FGD4: variants seen among roughly 807,000 people sequenced by gnomAD.
FGD4 encodes FYVE, RhoGEF and PH domain-containing protein 4.
In FGD4, 42 loss-of-function variants were observed where a neutral mutation model predicts 102.0. The ratio of observed to expected loss-of-function variants is 0.41; its 90% CI spans 0.32 to 0.53. The LOEUF (loss-of-function observed/expected upper bound fraction) is 0.53, where lower values mean the gene tolerates loss of function less well. Among genes scored for constraint, FGD4 ranks in the 20% least tolerant of loss-of-function variants. The pLI is 0.21. For synonymous variants in FGD4, 380 were observed against 375.7 expected (o/e 1.01, Z -0.13); for missense variants, 902 against 1,078.2 (o/e 0.84, Z 2.29).
At chr12:32,498,666 C>T (rs1189239242) in intron 1 of FGD4, among the ~76,000 whole-genome samples, 1 of 152,012 alleles carries the variant, frequency 6.6e-6, no homozygotes, top group East Asian at 1.9e-4. Context: ...TGCAGTGATG[C>T]GATCTTGGCT....
In FGD4 at chr12:32,561,074, TG is replaced by T. The variant is rs368076653; in HGVS notation, c.167-3062del. ...GAAATGTGGTTTCTTTGTTGGGTTT[TG>T]TTTTTTTTTTTTTTTTTTTTTTTTT... On this transcript the variant is annotated intron_variant, in intron 1 of 16. Transcript: ENST00000534526. Among the ~76,000 whole-genome samples the T allele has an allele frequency of 6.4e-3, 601 of 93,422 alleles. 50 individuals carry two copies. The highest frequency in any genetic ancestry group is 0.011 in the African/African-American group (265 of 23,114). The allele number at this position is 93,422 out of a possible 152,430, so 61.3% of individuals were successfully genotyped here.
chr12:32,628,250 GGTAGA>G (rs1950292397), intron 14 of FGD4, among the ~76,000 whole-genome samples: 1 of 152,088 alleles, frequency 6.6e-6, no homozygotes, highest in African/African-American at 2.4e-5. Context: ...AGGGGAGATG[GGTAGA>G]GCCAGATGAT....
At chr12:32,625,269 CTT>C (rs374139685) in intron 13 of FGD4, among the ~76,000 whole-genome samples, 235 of 119,864 alleles carry the variant, frequency 2.0e-3, no homozygotes, top group African/African-American at 6.7e-3. Context: ...TTTTCTTATT[CTT>C]TTTTTTTTTT....
chr12:32,561,070 G>GTT lies in FGD4; in HGVS notation c.167-3064_167-3063dup, dbSNP rs1267043755. ...AGCAGAAATGTGGTTTCTTTGTTGG[G>GTT]TTTTGTTTTTTTTTTTTTTTTTTTT... On this transcript the variant is annotated intron_variant, in intron 1 of 16. Coordinates refer to ENST00000534526, the MANE Select transcript of FGD4 (RefSeq NM_001370298.3). Among the ~76,000 whole-genome samples, 134 of 90,794 alleles carry GTT rather than the reference G, an allele frequency of 1.5e-3. 18 individuals carry two copies. The highest frequency in any genetic ancestry group is 4.7e-3 in the African/African-American group (114 of 24,024). 59.6% of individuals were successfully genotyped at this position (90,794 alleles called of 152,430 possible).
At chr12:32,473,217 A>G (rs1288435135) in intron 1 of FGD4, among the ~76,000 whole-genome samples, 1 of 152,084 alleles carries the variant, frequency 6.6e-6, no homozygotes, top group Non-Finnish European at 1.5e-5. Context: ...AGAGAATAAA[A>G]GCAGGCTGCC....
rs1418968805 is a variant in FGD4 at position 32,559,468 on chromosome 12, TTC to T, written c.167-4665_167-4664del. On this transcript the variant is annotated intron_variant, in intron 1 of 16. Coordinates refer to ENST00000534526, the MANE Select transcript of FGD4 (RefSeq NM_001370298.3). ...AAACAAATGTTTAAAAATGTAAATG[TTC>T]TCTGTGTCCTTCACCATGTTTTCAT... 3.9e-5 allele frequency among the ~76,000 whole-genome samples: 6 copies of T among 152,356 alleles called. No homozygotes were observed. In the East Asian group the frequency reaches 1.2e-3, roughly 29 times the overall value.
chr12:32,474,774 G>T (rs1032421420), intron 1 of FGD4, among the ~76,000 whole-genome samples: 7 of 152,062 alleles, frequency 4.6e-5, no homozygotes, highest in Non-Finnish European at 1.0e-4. Context: ...GCATGGTGTC[G>T]TGTGCCTGTA....
At chr12:32,527,436 CT>C (rs58360232) in intron 1 of FGD4, among the ~76,000 whole-genome samples, 55,872 of 149,196 alleles carry the variant, frequency 0.37, 10,878 homozygotes, top group Middle Eastern at 0.6. Flanking sequence ...CCTGGCCAGA[CT>C]TTTTTTTTTT....
At position 32,430,036 on chromosome 12, in the gene FGD4, G is replaced by A. The variant is rs142403466; in HGVS notation, c.166+30077G>A. 7.6e-4 allele frequency among the ~76,000 whole-genome samples: 116 copies of A among 152,172 alleles called. 1 individual carries two copies. Among genetic ancestry groups the A allele is most frequent in the African/African-American group, 2.5e-3 (105 of 41,538 alleles). On this transcript the variant is annotated intron_variant, in intron 1 of 16. Coordinates refer to ENST00000534526, the MANE Select transcript of FGD4 (RefSeq NM_001370298.3). The stretch of plus-strand genomic sequence containing the variant: ...TTAGAAAAGATTCTGGGCTGGGCGC[G>A]CTGGCTTATGCCTGTAATCCCAGCA...
At chr12:32,418,247 CGCCTGGCCCTGGT>C (rs1565728698) in intron 1 of FGD4, among the ~76,000 whole-genome samples, 2 of 152,060 alleles carry the variant, frequency 1.3e-5, no homozygotes, top group East Asian at 3.9e-4. Context: ...TGAGCCACCG[CGCCTGGCCCTGGT>C]GCCTTAGTTC....
In FGD4 at chr12:32,619,735, G is replaced by T; in HGVS notation, c.1787G>T (p.Ser596Ile). The T allele has an allele frequency of 6.2e-7, 1 of 1,614,054 alleles. No homozygotes were observed. Among genetic ancestry groups the T allele is most frequent in the Non-Finnish European group, 8.5e-7 (1 of 1,180,022 alleles). ...NMLLYCVPKF[S>I]LVGSKFTVRT... Reference sequence around the variant, plus strand: ...TTGCTGTACTGTGTGCCCAAATTCAGCTTGGTAGGCTCTAAATTCACAGTT... The same window carrying T: ...TTGCTGTACTGTGTGCCCAAATTCATCTTGGTAGGCTCTAAATTCACAGTT... Residue 596 changes from serine (S) to isoleucine (I), a missense_variant, in exon 11 of 17, where the codon AGC (serine) becomes ATC (isoleucine). By Grantham distance (142) the Ser-to-Ile change is moderately radical. Coordinates refer to ENST00000534526, the MANE Select transcript of FGD4 (RefSeq NM_001370298.3).
At position 32,563,303 on chromosome 12, in the gene FGD4, C is replaced by T. The variant is rs562632441; in HGVS notation, c.167-834C>T. ...CTCAGACGGGGCGGCCGGGCAGAGACGCTCCTCACCTCCCAGACGGGGTCG... is the reference window on the plus strand; with the variant it reads ...CTCAGACGGGGCGGCCGGGCAGAGATGCTCCTCACCTCCCAGACGGGGTCG... On this transcript the variant is annotated intron_variant, in intron 1 of 16. Transcript: ENST00000534526. 7.8e-3 allele frequency among the ~76,000 whole-genome samples: 1,113 copies of T among 143,566 alleles called. 6 individuals carry two copies. The highest frequency in any genetic ancestry group is 0.02 in the Middle Eastern group (4 of 202). The allele number at this position is 143,566 out of a possible 152,430, so 94.2% of individuals were successfully genotyped here.
chr12:32,425,238 C>A (rs1235849173), intron 1 of FGD4, among the ~76,000 whole-genome samples: 1 of 152,002 alleles, frequency 6.6e-6, no homozygotes, highest in African/African-American at 2.4e-5. Flanking sequence ...CATCTTGAGT[C>A]ATTTTTTGTA....
rs189103199 is a variant in FGD4, at chr12:32,450,383, T to G, written c.166+50424T>G. On this transcript the variant is annotated intron_variant, in intron 1 of 16. Transcript: ENST00000534526. ...CACCATGCCAGGCCACCTATTTTTT[T>G]TATCACACTTTAAGTTTATTCATTT... Among the ~76,000 whole-genome samples, 478 of 152,302 alleles carry G rather than the reference T, an allele frequency of 3.1e-3. 4 individuals carry two copies. The highest frequency in any genetic ancestry group is 0.011 in the African/African-American group (454 of 41,556).
At chr12:32,471,418 A>T (rs554372107) in intron 1 of FGD4, among the ~76,000 whole-genome samples, 1 of 152,206 alleles carries the variant, frequency 6.6e-6, no homozygotes, top group Non-Finnish European at 1.5e-5. Context: ...ACTGTAGAAA[A>T]GCCTCCTGAG....
intron 1 of FGD4, among the ~76,000 whole-genome samples, chr12:32,562,701 C>T (rs561433089): frequency 6.6e-6 from 1 of 152,336 alleles, no homozygotes; most frequent in Admixed American, 6.5e-5. Context: ...GGACACAGCA[C>T]ATGTTTCAGA....
intron 16 of FGD4, among the ~76,000 whole-genome samples, chr12:32,639,145 TTTTG>T (rs1258376947): frequency 8.5e-5 from 13 of 152,212 alleles, no homozygotes; most frequent in South Asian, 2.1e-4. Flanking sequence ...TAATTTTGTT[TTTTG>T]TTTGTTTGTT....
chr12:32,534,534 TC>T (rs777240480), intron 1 of FGD4: 1 of 1,384,174 alleles, frequency 7.2e-7, no homozygotes. Flanking sequence ...TATATTTTTT[TC>T]TTCCCCAGCG....
chr12:32,613,223 G>A (rs1400902374), intron 10 of FGD4, among the ~76,000 whole-genome samples: 1 of 152,140 alleles, frequency 6.6e-6, no homozygotes, highest in Non-Finnish European at 1.5e-5. Flanking sequence ...GAGTTGTCAT[G>A]GGGGCTTAGA....
Sources: gnomAD v4.1 joint callset for allele counts (sites outside exome capture counted in the v4.1 genomes callset) on GRCh38, gnomAD v4.1.1 for gene constraint, MANE v1.5 for transcripts, NCBI Gene and HGNC (gene_info 2026-07-23, HGNC 2026-07-21) for gene names.